RP2: variants seen among roughly 807,000 people sequenced by gnomAD.
The protein encoded by RP2 is protein XRP2.
RP2 carries 3 observed loss-of-function variants against 20.3 expected under a neutral mutation model. The ratio of observed to expected loss-of-function variants is 0.15; its 90% CI spans 0.07 to 0.38. The LOEUF (loss-of-function observed/expected upper bound fraction) is 0.38. Ranked by LOEUF, RP2 falls within the 10% of genes least tolerant of loss-of-function variation. RP2 has a pLI of 1.00. For missense variants in RP2, 233 were observed against 268.5 expected (o/e 0.87, Z 0.92); for synonymous variants, 75 against 94.8 (o/e 0.79, Z 1.22).
chrX:46,847,939 T>C (rs1319908210), intron 1 of RP2, among the ~76,000 whole-genome samples: 1 of 100,475 alleles, frequency 1.0e-5, no homozygotes, highest in East Asian at 3.2e-4. Flanking sequence ...CATATATATA[T>C]ATATATATAT....
chrX:46,862,608 C>T (rs1043526201), intron 3 of RP2, among the ~76,000 whole-genome samples: 1 of 110,201 alleles, frequency 9.1e-6, no homozygotes, highest in Non-Finnish European at 1.9e-5. Context: ...TGCAGTGAGC[C>T]AAGATCGCGC....
intron 3 of RP2, among the ~76,000 whole-genome samples, chrX:46,870,787 T>C (rs1925276696): frequency 8.9e-6 from 1 of 111,742 alleles, no homozygotes; most frequent in Non-Finnish European, 1.9e-5. Context: ...TTTGGGGAGT[T>C]AGAAATGAAT....
intron 3 of RP2, among the ~76,000 whole-genome samples, chrX:46,860,364 C>T (rs1391861652): frequency 4.5e-5 from 5 of 110,579 alleles, no homozygotes; most frequent in African/African-American, 1.3e-4. Context: ...ATCTTATTAT[C>T]ATTTTAATTG....
At chrX:46,840,784 T>G (rs73630239) in intron 1 of RP2, among the ~76,000 whole-genome samples, 5,239 of 112,169 alleles carry the variant, frequency 0.047, 292 homozygotes, top group African/African-American at 0.16. Context: ...TGCCCATACT[T>G]TTCCTCCTAG....
At chrX:46,848,460 C>T (rs1205777213) in intron 1 of RP2, among the ~76,000 whole-genome samples, 1 of 104,547 alleles carries the variant, frequency 9.6e-6, no homozygotes, top group East Asian at 3.1e-4. Context: ...TCTCGGCTCA[C>T]TGCAACTCTG....
chrX:46,867,469 T>C (rs1239016703), intron 3 of RP2, among the ~76,000 whole-genome samples: 3 of 112,959 alleles, frequency 2.7e-5, no homozygotes, highest in African/African-American at 9.6e-5. Context: ...TCCATTCAAT[T>C]GTTGGACATC....
intron 1 of RP2, among the ~76,000 whole-genome samples, chrX:46,840,920 A>T (rs990619115): frequency 8.9e-6 from 1 of 112,539 alleles, no homozygotes; most frequent in Non-Finnish European, 1.9e-5. Flanking sequence ...CTAAACAAAA[A>T]TCTTATACCA....
rs375455873 is a variant in RP2, at chrX:46,856,702, C to A, written c.768+2561C>A. On this transcript the variant is annotated intron_variant, in intron 2 of 4. Coordinates refer to ENST00000218340, the MANE Select transcript of RP2 (RefSeq NM_006915.3). Reference sequence around the variant, plus strand: ...CTCCCTCAGTGGTAAAGGAAAGTTGCTGAATGCCTGGTGGAGCAGGAATGT... The same window carrying A: ...CTCCCTCAGTGGTAAAGGAAAGTTGATGAATGCCTGGTGGAGCAGGAATGT... Among the ~76,000 whole-genome samples the A allele has an allele frequency of 8.9e-4, 99 of 111,761 alleles. 1 individual carries two copies. In the South Asian group the frequency reaches 0.034, roughly 39 times the overall value.
chrX:46,852,185 C>T (rs782335236), intron 1 of RP2, among the ~76,000 whole-genome samples: 30 of 107,677 alleles, frequency 2.8e-4, no homozygotes, highest in Middle Eastern at 4.7e-3. Context: ...CCAGCCTGGG[C>T]GACAGAGCGA....
At chrX:46,841,000 T>C (rs1272855244) in intron 1 of RP2, among the ~76,000 whole-genome samples, 2 of 112,501 alleles carry the variant, frequency 1.8e-5, no homozygotes, top group African/African-American at 6.5e-5. Flanking sequence ...TCCTCAGCTA[T>C]ATAGTAGGAC....
rs148204733 is a variant in RP2 at position 46,870,789 on chromosome X, G to T, written c.884-6716G>T. 1.3e-3 allele frequency among the ~76,000 whole-genome samples: 147 copies of T among 111,741 alleles called. 3 individuals are homozygous for T. In the East Asian group the frequency reaches 0.027, roughly 21 times the overall value. The stretch of plus-strand genomic sequence containing the variant: ...CTGCAAGCATTGATTTGGGGAGTTA[G>T]AAATGAATTTTAGCAAGTAGGTAAA... On this transcript the variant is annotated intron_variant, in intron 3 of 4. Coordinates refer to ENST00000218340, the MANE Select transcript of RP2 (RefSeq NM_006915.3).
intron 3 of RP2, among the ~76,000 whole-genome samples, chrX:46,869,459 G>T (rs1424931880): frequency 9.7e-6 from 1 of 102,829 alleles, no homozygotes; most frequent in Non-Finnish European, 2.0e-5. Flanking sequence ...CACCACGCCC[G>T]GCTAATTTTG....
intron 4 of RP2, 104 bp downstream of exon 4, chrX:46,877,694 A>G (rs1602355103): frequency 2.3e-6 from 1 of 442,794 alleles, no homozygotes; most frequent in South Asian, 2.9e-5. Context: ...TGTTGCTTGG[A>G]ATTTTTGGGG....
intron 2 of RP2, among the ~76,000 whole-genome samples, chrX:46,854,358 A>G (rs1439938455): frequency 8.9e-6 from 1 of 111,957 alleles, no homozygotes; most frequent in Non-Finnish European, 1.9e-5. Context: ...ATATAATTCA[A>G]TTCAGTAAGC....
At chrX:46,851,643 A>G (rs1924861539) in intron 1 of RP2, among the ~76,000 whole-genome samples, 1 of 100,784 alleles carries the variant, frequency 9.9e-6, no homozygotes, top group Admixed American at 1.1e-4. Context: ...TCTCAAAAAA[A>G]GAAAAAGGCC....
chrX:46,877,992 TGCCCAGGGTTCATTTTTAC>T (rs1166738550), intron 4 of RP2, among the ~76,000 whole-genome samples: 33 of 111,187 alleles, frequency 3.0e-4, no homozygotes, highest in Non-Finnish European at 5.5e-4. Context: ...ACGATTCTGT[TGCCCAGGGTTCATTTTTAC>T]GCCCAGGGTT....
At chrX:46,867,783 C>G (rs927155936) in intron 3 of RP2, among the ~76,000 whole-genome samples, 2 of 111,455 alleles carry the variant, frequency 1.8e-5, no homozygotes, top group East Asian at 2.8e-4. Flanking sequence ...GCTTATTTCA[C>G]TTAACTAGTG....
At chrX:46,843,258 T>G (rs1556315329) in intron 1 of RP2, among the ~76,000 whole-genome samples, 1 of 111,043 alleles carries the variant, frequency 9.0e-6, no homozygotes, top group African/African-American at 3.3e-5. Context: ...CTGCCCACCT[T>G]GGCCTCCCAA....
intron 1 of RP2, among the ~76,000 whole-genome samples, chrX:46,850,509 G>A (rs1298599055): frequency 9.0e-6 from 1 of 111,447 alleles, no homozygotes; most frequent in Non-Finnish European, 1.9e-5. Context: ...TATATAATAC[G>A]GTTTCTGCCT....
Sources: gnomAD v4.1 joint callset for allele counts (sites outside exome capture counted in the v4.1 genomes callset) on GRCh38, gnomAD v4.1.1 for gene constraint, MANE v1.5 for transcripts, NCBI Gene and HGNC (gene_info 2026-07-23, HGNC 2026-07-21) for gene names.